KNSTRN: variants seen among roughly 807,000 people sequenced by gnomAD.
KNSTRN encodes the protein small kinetochore-associated protein.
Under a neutral mutation model 44.7 loss-of-function variants are expected in KNSTRN, and 38 were observed. The observed-to-expected ratio is 0.85, with a 90% CI of 0.66 to 1.11. The LOEUF (loss-of-function observed/expected upper bound fraction) is 1.11, where lower values mean the gene tolerates loss of function less well. Ranked by LOEUF, KNSTRN falls within the 50% of genes most tolerant of loss-of-function variation. The pLI is 0.00. For missense variants in KNSTRN, 406 were observed against 375.8 expected (o/e 1.08, Z -0.66); for synonymous variants, 158 against 148.1 (o/e 1.07, Z -0.48).
intron 3 of KNSTRN, 90 bp from the exon 4 acceptor site, chr15:40,387,069 C>T (rs1889915213): frequency 4.2e-6 from 4 of 959,916 alleles, no homozygotes; most frequent in Admixed American, 1.9e-5. Flanking sequence ...GTTCTTTCCT[C>T]AGAAACTCAA....
intron 8 of KNSTRN, 115 bp from the exon 9 acceptor site, chr15:40,393,354 C>CT (rs1890035548): frequency 6.3e-7 from 1 of 1,593,008 alleles, no homozygotes; most frequent in Non-Finnish European, 8.5e-7. Context: ...GTTGATACTC[C>CT]AGTGGTCTTC....
chr15:40,391,517 C>G lies in KNSTRN; in HGVS notation c.710C>G (p.Ser237Ter). 6.2e-7 allele frequency: 1 copy of G among 1,614,000 alleles called. No homozygotes were observed. Among genetic ancestry groups the G allele is most frequent in the Non-Finnish European group, 8.5e-7 (1 of 1,179,914 alleles). ...DPALGSETLASRQESTTDHMD... is the reference protein window; with the variant it reads ...DPALGSETLA ...GCTTTAGGCAGTGAGACCCTGGCAT[C>G]ACGACAAGAATCCACTACTGATCAC... is the stretch of plus-strand genomic sequence containing the variant. Residue 237 changes from serine (S) to a stop codon, truncating the protein, a stop_gained, in exon 7 of 9, where the codon TCA becomes TGA. Coordinates refer to ENST00000249776, the MANE Select transcript of KNSTRN (RefSeq NM_033286.4). LOFTEE classifies it high-confidence loss of function.
chr15:40,383,303 G>T lies in KNSTRN; in HGVS notation c.285G>T (p.Leu95=), dbSNP rs1189713983. ...TVYSLQPPSA[L]SGGQPADTQT... is the part of the protein sequence containing the mutation. The stretch of plus-strand genomic sequence containing the variant: ...ATAGCCTGCAGCCCCCCTCTGCGCT[G>T]AGCGGCGGCCAGCCGGCAGGTGAGG... The change falls in exon 2 of 9, where the codon CTG becomes CTT. Residue 95 remains leucine (L), a synonymous_variant. Coordinates refer to ENST00000249776, the MANE Select transcript of KNSTRN (RefSeq NM_033286.4). The T allele has an allele frequency of 1.9e-6, 3 of 1,612,384 alleles. No individual in the cohort carries two copies. Among genetic ancestry groups the T allele is most frequent in the South Asian group, 2.2e-5 (2 of 91,038 alleles).
intron 2 of KNSTRN, 103 bp from the exon 3 acceptor site, chr15:40,386,258 TA>T: frequency 8.3e-7 from 1 of 1,209,338 alleles, no homozygotes; most frequent in South Asian, 1.6e-5. Context: ...TAAAATAAAG[TA>T]AAATAAAGAT....
chr15:40,385,165 G>C (rs1889881955), intron 2 of KNSTRN, among the ~76,000 whole-genome samples: 1 of 152,142 alleles, frequency 6.6e-6, no homozygotes, highest in Non-Finnish European at 1.5e-5. Flanking sequence ...AACTTAAAGG[G>C]GCCATTTTAC....
chr15:40,388,213 C>T (rs551588610), intron 4 of KNSTRN, among the ~76,000 whole-genome samples: 5 of 152,120 alleles, frequency 3.3e-5, no homozygotes, highest in East Asian at 3.9e-4. Flanking sequence ...CTGAGAGCCC[C>T]GAACAGAGAT....
Position 40,391,519 on chromosome 15 carries a change from C to A in KNSTRN, c.712C>A (p.Arg238=). The A allele has an allele frequency of 6.2e-7, 1 of 1,613,918 alleles. No homozygotes were observed. The highest frequency in any genetic ancestry group is 1.1e-5 in the South Asian group (1 of 91,064). The change falls in exon 7 of 9, where the codon CGA becomes AGA. Residue 238 remains arginine (R), a synonymous_variant. Transcript: ENST00000249776. ...PALGSETLAS[R]QESTTDHMDS... is the part of the protein sequence containing the mutation. Reference sequence around the variant, plus strand: ...TTTAGGCAGTGAGACCCTGGCATCACGACAAGAATCCACTACTGATCACAT... The same window carrying A: ...TTTAGGCAGTGAGACCCTGGCATCAAGACAAGAATCCACTACTGATCACAT...
intron 2 of KNSTRN, among the ~76,000 whole-genome samples, chr15:40,385,668 C>CA (rs1889889143): frequency 1.3e-5 from 2 of 152,162 alleles, no homozygotes; most frequent in African/African-American, 4.8e-5. Context: ...TAAAAAAACT[C>CA]AGAGCAGCTC....
chr15:40,389,318 T>G, intron 4 of KNSTRN, 188 bp from the exon 5 acceptor site: 1 of 543,612 alleles, frequency 1.8e-6, no homozygotes, highest in Non-Finnish European at 3.3e-6. Flanking sequence ...CTGACTAATC[T>G]TTTGTAATTT....
chr15:40,388,664 C>T (rs1889942976), intron 4 of KNSTRN, among the ~76,000 whole-genome samples: 1 of 151,632 alleles, frequency 6.6e-6, no homozygotes, highest in South Asian at 2.1e-4. Context: ...CACTGCACTC[C>T]AGCCTGGGCG....
At chr15:40,386,711 C>T in intron 3 of KNSTRN, 1 of 567,028 alleles carries the variant, frequency 1.8e-6, no homozygotes, top group South Asian at 2.2e-5. Context: ...GTGTTCTTTC[C>T]TCTTTCATCG....
intron 4 of KNSTRN, chr15:40,389,074 T>G: frequency 2.5e-6 from 1 of 408,078 alleles, no homozygotes; most frequent in Non-Finnish European, 4.8e-6. Flanking sequence ...TGCAACTCAC[T>G]GAAGGTCATA....
Position 40,382,774 on chromosome 15 carries a change from T to TGG in KNSTRN, c.-58_-57dup. On this transcript the variant is annotated 5_prime_UTR_variant, in exon 1 of 9. Coordinates refer to ENST00000249776, the MANE Select transcript of KNSTRN (RefSeq NM_033286.4). Reference sequence around the variant, plus strand: ...ATCACCCTCCTCCTCTGCCCAGACCTGGGGGCTCCAACACCTTTCGCTAGG... The same window carrying TGG: ...ATCACCCTCCTCCTCTGCCCAGACCTGGGGGGGCTCCAACACCTTTCGCTAGG... 1 of 1,474,258 alleles carries TGG rather than the reference T, an allele frequency of 6.8e-7. No homozygotes were observed. Among genetic ancestry groups the TGG allele is most frequent in the Middle Eastern group, 2.4e-4 (1 of 4,164 alleles). The allele number at this position is 1,474,258 out of a possible 1,614,324, so 91.3% of individuals were successfully genotyped here. A position where few individuals can be genotyped will look rare whatever the true frequency, so the allele number is the denominator to read the frequency against.
chr15:40,385,026 G>A (rs1566922165), intron 2 of KNSTRN: 1 of 152,276 alleles, frequency 6.6e-6, no homozygotes, highest in African/African-American at 2.4e-5. Context: ...CTTGAGAGAG[G>A]AGAAGATGAT....
At chr15:40,388,481 T>A (rs11070269) in intron 4 of KNSTRN, among the ~76,000 whole-genome samples, 88,648 of 151,900 alleles carry the variant, frequency 0.58, 26,266 homozygotes, top group East Asian at 0.71. Flanking sequence ...CGGGTGGATC[T>A]CAAGGTCAGG....
At chr15:40,386,319 G>C (rs758519695) in intron 2 of KNSTRN, 43 bp from the exon 3 acceptor site, 2 of 1,594,146 alleles carry the variant, frequency 1.3e-6, no homozygotes, top group Non-Finnish European at 1.7e-6. Flanking sequence ...TGCAACTGTC[G>C]GGTCATGATG....
At chr15:40,383,134 A>G (rs1183989790) in intron 1 of KNSTRN, 90 bp downstream of exon 1, 3 of 1,586,344 alleles carry the variant, frequency 1.9e-6, no homozygotes, top group African/African-American at 1.3e-5. Context: ...TCCAACCCCG[A>G]GCCGGGGCCT....
chr15:40,393,942 AC>A lies in KNSTRN; in HGVS notation c.*346del, dbSNP rs1241810341. The stretch of plus-strand genomic sequence containing the variant: ...CAACAACCAGAGGATCTAAAATGTC[AC>A]ATTCAGATTTTCAGGAAGAAAATCT... On this transcript the variant is annotated 3_prime_UTR_variant, in exon 9 of 9. Transcript: ENST00000249776. The A allele has an allele frequency of 5.6e-6, 1 of 178,076 alleles. No homozygotes were observed. Among genetic ancestry groups the A allele is most frequent in the Non-Finnish European group, 1.2e-5 (1 of 84,592 alleles). The allele number at this position is 178,076 out of a possible 1,614,324, so 11.0% of individuals were successfully genotyped here.
At chr15:40,386,327 A>G in intron 2 of KNSTRN, 35 bp from the exon 3 acceptor site, 1 of 1,601,814 alleles carries the variant, frequency 6.2e-7, no homozygotes, top group Non-Finnish European at 8.5e-7. Context: ...TCGGGTCATG[A>G]TGCCAGAAGC....
Sources: gnomAD v4.1 joint callset for allele counts (sites outside exome capture counted in the v4.1 genomes callset) on GRCh38, gnomAD v4.1.1 for gene constraint, MANE v1.5 for transcripts, NCBI Gene and HGNC (gene_info 2026-07-23, HGNC 2026-07-21) for gene names.